Variants in LRP1B observed in about 807,000 individuals in gnomAD.
The protein encoded by LRP1B is LDL receptor related protein 1B.
LRP1B carries 217 observed loss-of-function variants against 556.6 expected under a neutral mutation model. The ratio of observed to expected loss-of-function variants is 0.39; its 90% confidence interval spans 0.35 to 0.44. LRP1B has a LOEUF of 0.44. Ranked by LOEUF, LRP1B falls within the 20% of genes least tolerant of loss-of-function variation. LRP1B has a pLI of 1.00. For missense variants in LRP1B, 5,053 were observed against 5,620.8 expected, an observed-to-expected ratio of 0.90 and a Z score of 3.23; for synonymous variants, 2,047 against 1,865.8, an observed-to-expected ratio of 1.10 and a Z score of -2.50.
chr2:141,303,228 C>T (rs11900269), intron 3 of LRP1B, among the ~76,000 whole-genome samples: 2,350 of 152,148 alleles, frequency 0.015, 56 homozygotes, highest in African/African-American at 0.053. Flanking sequence ...ATGATGAAGT[C>T]AGGCTATTTA....
chr2:142,119,390 T>C (rs552402045), intron 1 of LRP1B, among the ~76,000 whole-genome samples: 8 of 152,140 alleles, frequency 5.3e-5, no homozygotes, highest in Admixed American at 5.2e-4. Context: ...TTTTTGGCAC[T>C]CTGTTTAGAT....
At chr2:141,932,418 A>G (rs1700533766) in intron 1 of LRP1B, among the ~76,000 whole-genome samples, 1 of 152,078 alleles carries the variant, frequency 6.6e-6, no homozygotes, top group Admixed American at 6.6e-5. Context: ...CATGAGAAGT[A>G]AAGTGATGAC....
At chr2:141,931,248 T>C (rs1205629898) in intron 1 of LRP1B, among the ~76,000 whole-genome samples, 3 of 151,970 alleles carry the variant, frequency 2.0e-5, no homozygotes, top group Admixed American at 2.0e-4. Context: ...CCTGGAAGGA[T>C]ATAAAGGTGA....
In LRP1B at chr2:140,499,622, A is replaced by T. The variant is rs181818275; in HGVS notation, c.8850+2065T>A. ...AGAGCATATTGTTCCTAGGTTACAAACCTGTACAGCATGTTACTATATTGA... is the reference window on the plus strand; with the variant it reads ...AGAGCATATTGTTCCTAGGTTACAATCCTGTACAGCATGTTACTATATTGA... On this transcript the variant is annotated intron_variant, in intron 55 of 90. Transcript: ENST00000389484. 2.0e-5 allele frequency among the ~76,000 whole-genome samples: 3 copies of T among 152,014 alleles called. No homozygotes were observed. In the East Asian group the frequency reaches 5.8e-4, roughly 29 times the overall value.
chr2:140,394,807 G>A (rs1387574697), intron 66 of LRP1B, among the ~76,000 whole-genome samples: 1 of 152,108 alleles, frequency 6.6e-6, no homozygotes, highest in African/African-American at 2.4e-5. Flanking sequence ...GTTGTTTGAG[G>A]TCATGCCTAT....
intron 1 of LRP1B, among the ~76,000 whole-genome samples, chr2:142,096,355 A>G (rs1006328538): frequency 4.0e-5 from 6 of 151,656 alleles, no homozygotes; most frequent in African/African-American, 1.4e-4. Context: ...CAGAAGTAGA[A>G]TGTCCTGAGT....
chr2:140,795,580 T>C (rs1272583903), intron 32 of LRP1B, among the ~76,000 whole-genome samples: 2 of 152,144 alleles, frequency 1.3e-5, no homozygotes, highest in Non-Finnish European at 2.9e-5. Flanking sequence ...ATACTGATTA[T>C]GAAAAGAGAG....
At chr2:141,975,935 C>A (rs1380581017) in intron 1 of LRP1B, among the ~76,000 whole-genome samples, 2 of 151,932 alleles carry the variant, frequency 1.3e-5, no homozygotes, top group African/African-American at 4.8e-5. Context: ...ATTCATTGTT[C>A]TGTTATTTAT....
At chr2:141,008,740 G>C (rs1392558739) in intron 14 of LRP1B, among the ~76,000 whole-genome samples, 1 of 151,836 alleles carries the variant, frequency 6.6e-6, no homozygotes, top group Non-Finnish European at 1.5e-5. Flanking sequence ...GCCCAGCATA[G>C]AGTGTGTTTG....
At chr2:140,957,209 A>G (rs113509854) in intron 18 of LRP1B, among the ~76,000 whole-genome samples, 7 of 151,836 alleles carry the variant, frequency 4.6e-5, no homozygotes, top group African/African-American at 1.7e-4. Flanking sequence ...AGAGAAAGGG[A>G]TATAAAACTG....
chr2:140,840,851 T>A, intron 30 of LRP1B, 67 bp downstream of exon 30: 2 of 1,259,196 alleles, frequency 1.6e-6, no homozygotes, highest in Non-Finnish European at 2.2e-6. Context: ...AGCAATGTTT[T>A]TATATAAAAT....
At chr2:140,244,283 T>C (rs1170368878) in intron 87 of LRP1B, among the ~76,000 whole-genome samples, 1 of 151,274 alleles carries the variant, frequency 6.6e-6, no homozygotes, top group Non-Finnish European at 1.5e-5. Context: ...TGATACAAAA[T>C]GATAAAGACA....
chr2:141,307,447 A>G (rs1184222531), intron 3 of LRP1B, among the ~76,000 whole-genome samples: 2 of 151,506 alleles, frequency 1.3e-5, no homozygotes, highest in Non-Finnish European at 2.9e-5. Context: ...TTTGGTTTCT[A>G]TTTACATGGA....
rs569856860 is a variant in LRP1B, at chr2:141,198,525, G to A, written c.851-9942C>T. On this transcript the variant is annotated intron_variant, in intron 6 of 90. Coordinates refer to ENST00000389484, the MANE Select transcript of LRP1B (RefSeq NM_018557.3). ...CTTTCTTGGAAAAAGACAAGGAAAG[G>A]GCTCCTGTCATTTGGTGGCAGGTCA... Among the ~76,000 whole-genome samples, 11 of 152,204 alleles carry A rather than the reference G, an allele frequency of 7.2e-5. No individual in the cohort carries two copies. The East Asian group carries it at 2.1e-3, about 29-fold the overall frequency.
chr2:141,184,712 T>C (rs927805394), intron 7 of LRP1B, among the ~76,000 whole-genome samples: 10 of 151,712 alleles, frequency 6.6e-5, no homozygotes, highest in Admixed American at 4.6e-4. Flanking sequence ...TATCAATATG[T>C]CTTTTATTAT....
intron 1 of LRP1B, among the ~76,000 whole-genome samples, chr2:141,901,724 G>T (rs898190853): frequency 6.6e-6 from 1 of 151,794 alleles, no homozygotes; most frequent in Non-Finnish European, 1.5e-5. Flanking sequence ...TTATTTGGAT[G>T]ATTAAAATTA....
intron 2 of LRP1B, among the ~76,000 whole-genome samples, chr2:141,598,191 A>C (rs933855124): frequency 3.9e-5 from 6 of 152,060 alleles, no homozygotes; most frequent in Non-Finnish European, 1.5e-5. Context: ...CAGTATAATC[A>C]TAAAGGTAGA....
chr2:140,278,056 CAA>C (rs58190447), intron 84 of LRP1B, among the ~76,000 whole-genome samples: 1 of 146,698 alleles, frequency 6.8e-6, no homozygotes, highest in Non-Finnish European at 1.5e-5. Flanking sequence ...CACACACACA[CAA>C]AATGCAGCTG....
chr2:141,960,398 A>G (rs1344151733), intron 1 of LRP1B, among the ~76,000 whole-genome samples: 1 of 151,838 alleles, frequency 6.6e-6, no homozygotes, highest in Non-Finnish European at 1.5e-5. Flanking sequence ...TATTTCCCAC[A>G]TACTCCATTT....
Sources: allele counts gnomAD v4.1 joint callset (sites outside exome capture counted in the v4.1 genomes callset), GRCh38; gene constraint gnomAD v4.1.1; transcripts MANE v1.5; gene names NCBI Gene and HGNC (gene_info 2026-07-23, HGNC 2026-07-21).